PDS5A: variants seen among roughly 807,000 people sequenced by gnomAD.
PDS5A encodes the protein sister chromatid cohesion protein PDS5 homolog A.
PDS5A carries 42 observed loss-of-function variants against 167.1 expected under a neutral mutation model. The observed-to-expected ratio is 0.25, with a 90% confidence interval of 0.20 to 0.33. PDS5A has a LOEUF of 0.33. Ranked by LOEUF, PDS5A falls within the 10% of genes least tolerant of loss-of-function variation. The probability of loss-of-function intolerance (pLI) is 1.00; values close to 1 mark genes in which losing one functional copy is unlikely to be tolerated. For missense variants in PDS5A, 1,033 were observed against 1,605.9 expected, an observed-to-expected ratio of 0.64 and a Z score of 6.10; for synonymous variants, 553 against 554.6, an observed-to-expected ratio of 1.00 and a Z score of 0.04.
intron 32 of PDS5A, among the ~76,000 whole-genome samples, chr4:39,831,966 T>G (rs1184552573): frequency 2.1e-5 from 3 of 143,214 alleles, no homozygotes; most frequent in Non-Finnish European, 4.5e-5. Flanking sequence ...ATACAAAAAT[T>G]AGCCGGGTGT....
intron 2 of PDS5A, among the ~76,000 whole-genome samples, chr4:39,941,171 A>G (rs1727190979): frequency 6.6e-6 from 1 of 152,156 alleles, no homozygotes; most frequent in Admixed American, 6.6e-5. Flanking sequence ...TTCCTGCACT[A>G]GACTTTTAAG....
chr4:39,830,728 T>C (rs1366947194), intron 32 of PDS5A, among the ~76,000 whole-genome samples: 2 of 152,060 alleles, frequency 1.3e-5, no homozygotes, highest in Admixed American at 6.6e-5. Flanking sequence ...CCCAGCCCAT[T>C]TGAACTAATT....
chr4:39,869,912 G>A (rs568290746), intron 21 of PDS5A, among the ~76,000 whole-genome samples: 2 of 152,120 alleles, frequency 1.3e-5, no homozygotes, highest in South Asian at 4.1e-4. Context: ...TTTGAGACCA[G>A]CCTGGCTAAC....
Position 39,836,788 on chromosome 4 carries a change from T to C in PDS5A, c.4010+1068A>G, listed in dbSNP as rs975850476. On this transcript the variant is annotated intron_variant, in intron 32 of 32. Coordinates refer to ENST00000303538, the MANE Select transcript of PDS5A (RefSeq NM_001100399.2). ...TCATAAATGATAATATTTTAAATGT[T>C]TTTACACACATGCTTCAGTAACTTT... Among the ~76,000 whole-genome samples the C allele has an allele frequency of 3.4e-5, 5 of 147,702 alleles. No homozygotes were observed. The Admixed American group carries it at 3.5e-4, about 10-fold the overall frequency.
intron 11 of PDS5A, among the ~76,000 whole-genome samples, chr4:39,906,619 A>C (rs1198662778): frequency 2.6e-5 from 4 of 151,604 alleles, no homozygotes; most frequent in African/African-American, 7.3e-5. Context: ...AAAAAAAAAA[A>C]AGCAGCAGCA....
intron 5 of PDS5A, among the ~76,000 whole-genome samples, chr4:39,924,544 ATATAGCATT>A (rs1297729976): frequency 6.6e-6 from 1 of 152,212 alleles, no homozygotes; most frequent in Non-Finnish European, 1.5e-5. Context: ...AGAAAATATG[ATATAGCATT>A]CATTAAAACT....
chr4:39,926,969 T>G (rs1168570700), intron 3 of PDS5A, 108 bp from the exon 4 acceptor site: 1 of 936,328 alleles, frequency 1.1e-6, no homozygotes, highest in Non-Finnish European at 1.4e-6. Flanking sequence ...AAAAGAAAAT[T>G]CTCCTTTAGA....
intron 2 of PDS5A, among the ~76,000 whole-genome samples, chr4:39,960,603 A>G (rs1414197300): frequency 1.3e-5 from 2 of 151,984 alleles, no homozygotes; most frequent in Non-Finnish European, 2.9e-5. Context: ...CTAGAGTGCA[A>G]TGGTGCAATC....
chr4:39,890,108 A>C (rs1291579103), intron 17 of PDS5A, 141 bp downstream of exon 17: 2 of 482,176 alleles, frequency 4.1e-6, no homozygotes, highest in Non-Finnish European at 7.3e-6. Context: ...CTTTCCCTTC[A>C]ACTTGAATGA....
chr4:39,934,822 C>T (rs964285647), intron 2 of PDS5A, among the ~76,000 whole-genome samples: 3 of 151,798 alleles, frequency 2.0e-5, no homozygotes, highest in Admixed American at 2.0e-4. Flanking sequence ...CATCTTTTCA[C>T]GTATTTGCCA....
intron 7 of PDS5A, 72 bp from the exon 8 acceptor site, chr4:39,917,260 A>AT (rs376344613): frequency 2.0e-6 from 2 of 996,354 alleles, no homozygotes; most frequent in Non-Finnish European, 2.9e-6. Context: ...TTTAATAAAC[A>AT]TTTTTTATAA....
At chr4:39,867,084 C>T in intron 22 of PDS5A, 87 bp from the exon 23 acceptor site, 1 of 1,011,038 alleles carries the variant, frequency 9.9e-7, no homozygotes, top group South Asian at 1.7e-5. Context: ...AATGAGATTA[C>T]TCATCTCCAT....
At chr4:39,861,166 A>AAG (rs945192309) in intron 26 of PDS5A, among the ~76,000 whole-genome samples, 1 of 151,494 alleles carries the variant, frequency 6.6e-6, no homozygotes, top group Non-Finnish European at 1.5e-5. Flanking sequence ...AGGGGGAATA[A>AAG]AGAGAGACTG....
At chr4:39,864,646 G>C (rs1719274991) in intron 23 of PDS5A, among the ~76,000 whole-genome samples, 1 of 152,188 alleles carries the variant, frequency 6.6e-6, no homozygotes, top group Non-Finnish European at 1.5e-5. Context: ...TGGACAACAG[G>C]ATTGTTAAAA....
chr4:39,848,785 T>C (rs368362998), intron 28 of PDS5A, 66 bp downstream of exon 28: 3 of 1,368,412 alleles, frequency 2.2e-6, no homozygotes, highest in Non-Finnish European at 3.1e-6. Context: ...TTTGCCACAA[T>C]GGTTGATGGT....
intron 25 of PDS5A, 65 bp downstream of exon 25, chr4:39,862,804 A>C (rs34556617): frequency 0.27 from 278,102 of 1,036,326 alleles, 41,582 homozygotes; most frequent in Admixed American, 0.33. Flanking sequence ...GACAAGAAAA[A>C]AAAAACCTAA....
chr4:39,901,266 CTTTTTTTTTT>C (rs772230554), intron 13 of PDS5A, among the ~76,000 whole-genome samples: 4 of 121,282 alleles, frequency 3.3e-5, no homozygotes, highest in Non-Finnish European at 5.0e-5. Flanking sequence ...TCTTTTCTTT[CTTTTTTTTTT>C]TTTTTTTTTT....
chr4:39,936,090 A>C (rs559737826), intron 2 of PDS5A, among the ~76,000 whole-genome samples: 1 of 152,310 alleles, frequency 6.6e-6, no homozygotes, highest in Admixed American at 6.5e-5. Context: ...TAAAAAGCAA[A>C]AGGAGGAAAC....
chr4:39,941,251 G>GT (rs1277826287), intron 2 of PDS5A, among the ~76,000 whole-genome samples: 1 of 152,180 alleles, frequency 6.6e-6, no homozygotes, highest in Non-Finnish European at 1.5e-5. Flanking sequence ...CTCATACAGA[G>GT]TAAGTACTCA....
Sources: allele counts gnomAD v4.1 joint callset (sites outside exome capture counted in the v4.1 genomes callset), GRCh38; gene constraint gnomAD v4.1.1; transcripts MANE v1.5; gene names NCBI Gene and HGNC (gene_info 2026-07-23, HGNC 2026-07-21).